Variants in NEB observed in about 807,000 individuals in gnomAD.
The protein encoded by NEB is nebulin.
A neutral mutation model predicts 952.2 loss-of-function variants in NEB; 512 were observed. That is an observed-to-expected ratio of 0.54 (90% CI 0.50 to 0.58). The LOEUF (loss-of-function observed/expected upper bound fraction) is 0.58, where lower values mean the gene tolerates loss of function less well. Ranked by LOEUF, NEB falls within the 20% of genes least tolerant of loss-of-function variation. The probability of loss-of-function intolerance (pLI) is 0.00; values close to 1 mark genes in which losing one functional copy is unlikely to be tolerated. For missense variants in NEB, 8,428 were observed against 9,231.1 expected (o/e 0.91, Z 3.56); for synonymous variants, 2,900 against 3,149.8 (o/e 0.92, Z 2.66).
chr2:151,505,668 A>T, intron 164 of NEB, 98 bp from the exon 165 acceptor site: 1 of 996,250 alleles, frequency 1.0e-6, no homozygotes, highest in Non-Finnish European at 1.6e-6. Flanking sequence ...AAATTAAAAA[A>T]ATTAACAGTG....
intron 51 of NEB, among the ~76,000 whole-genome samples, chr2:151,654,505 C>A (rs1247061674): frequency 1.3e-5 from 2 of 152,114 alleles, no homozygotes; most frequent in African/African-American, 4.8e-5. Flanking sequence ...GTGATAAAAG[C>A]AATAAATGAT....
intron 4 of NEB, among the ~76,000 whole-genome samples, 168 bp from the exon 5 acceptor site, chr2:151,728,074 C>T (rs1578049507): frequency 6.6e-6 from 1 of 152,146 alleles, no homozygotes; most frequent in African/African-American, 2.4e-5. Context: ...CGTATGAAGG[C>T]ACATTATGTA....
At chr2:151,696,996 A>T (rs1356144620) in intron 16 of NEB, among the ~76,000 whole-genome samples, 152 bp downstream of exon 16, 1 of 152,234 alleles carries the variant, frequency 6.6e-6, no homozygotes, top group Non-Finnish European at 1.5e-5. Context: ...GATGTCAACA[A>T]GGGAAAATAG....
At chr2:151,679,682 A>AAAT in intron 32 of NEB, 39 bp downstream of exon 32, 1 of 458,238 alleles carries the variant, frequency 2.2e-6, no homozygotes, top group Non-Finnish European at 4.3e-6. Context: ...ACCCACCCAC[A>AAAT]TTTTCTAGTT....
intron 13 of NEB, among the ~76,000 whole-genome samples, chr2:151,701,376 T>A (rs964084468): frequency 4.0e-5 from 6 of 151,868 alleles, no homozygotes; most frequent in African/African-American, 1.4e-4. Context: ...GATGCTGGCC[T>A]CATAAAATGA....
At position 151,696,858 on chromosome 2, in the gene NEB, A is replaced by AT. The variant is rs1255808607; in HGVS notation, c.1471-124dup. On this transcript the variant is annotated intron_variant, in intron 16 of 181. Coordinates refer to ENST00000397345, the MANE Select transcript of NEB (RefSeq NM_001164508.2). ...ATGAAACTTGTAGTTAATAAAATAT[A>AT]TTTTTTTCTAACTAGACTGTAGTTT... The AT allele has an allele frequency of 1.3e-5, 9 of 708,982 alleles. No individual in the cohort carries two copies. The Admixed American group carries it at 2.0e-4, about 16-fold the overall frequency. 43.9% of individuals were successfully genotyped at this position (708,982 alleles called of 1,614,324 possible). A position where few individuals can be genotyped will look rare whatever the true frequency, so the allele number is the denominator to read the frequency against.
At chr2:151,635,552 C>T (rs2098742050) in intron 64 of NEB, among the ~76,000 whole-genome samples, 1 of 151,722 alleles carries the variant, frequency 6.6e-6, no homozygotes, top group Admixed American at 6.6e-5. Flanking sequence ...ACTAAAAATA[C>T]AAAAAATTAT....
chr2:151,657,452 C>T (rs542029783), intron 48 of NEB, among the ~76,000 whole-genome samples: 5 of 152,162 alleles, frequency 3.3e-5, no homozygotes, highest in South Asian at 2.1e-4. Flanking sequence ...TGCCGGCCAG[C>T]GCAGGGAAAG....
chr2:151,615,251 A>C (rs944690360), intron 76 of NEB, among the ~76,000 whole-genome samples: 1 of 152,232 alleles, frequency 6.6e-6, no homozygotes, highest in Non-Finnish European at 1.5e-5. Flanking sequence ...TAAACTTCTA[A>C]ATTGATTGAG....
At chr2:151,661,513 C>T (rs1346692724) in intron 46 of NEB, among the ~76,000 whole-genome samples, 2 of 152,202 alleles carry the variant, frequency 1.3e-5, no homozygotes, top group African/African-American at 4.8e-5. Context: ...ACCAGTGCTG[C>T]TGCAGTTATT....
At position 151,526,011 on chromosome 2, in the gene NEB, G is replaced by C. The variant is rs200304547; in HGVS notation, c.22108C>G (p.Pro7370Ala). 1.1e-4 allele frequency: 174 copies of C among 1,614,000 alleles called. No individual in the cohort carries two copies. The highest frequency in any genetic ancestry group is 4.9e-4 in the Middle Eastern group (3 of 6,062). The stretch of plus-strand genomic sequence containing the variant: ...ACGTGAACAGTGTCCCGGGTCTCTG[G>C]TAGTGTTGTGTATGAGCCCTGTGCC... ...HLAQGSYTTL[P>A]ETRDTVHVKE... Residue 7370 changes from proline (P) to alanine (A), a missense_variant, in exon 150 of 182, where the codon CCA becomes GCA. Physicochemically the swap from Pro to Ala is conservative, Grantham distance 27. Coordinates refer to ENST00000397345, the MANE Select transcript of NEB (RefSeq NM_001164508.2).
intron 160 of NEB, among the ~76,000 whole-genome samples, chr2:151,513,344 T>G (rs2075814624): frequency 6.6e-6 from 1 of 152,204 alleles, no homozygotes; most frequent in African/African-American, 2.4e-5. Context: ...ATTCCTCAGT[T>G]TCTGCCCTTT....
Position 151,627,573 on chromosome 2 carries a change from C to T in NEB, c.10093G>A (p.Asp3365Asn), listed in dbSNP as rs1181779285. The T allele has an allele frequency of 2.4e-5, 38 of 1,613,890 alleles. No individual in the cohort carries two copies. Among genetic ancestry groups the T allele is most frequent in the Non-Finnish European group, 2.7e-5 (32 of 1,179,894 alleles). The change falls in exon 69 of 182, where the codon GAC becomes AAC. Residue 3365 changes from aspartate to asparagine, a missense_variant. Transcript: ENST00000397345. ...NYLHEWTCLP[D>N]QNDVIHARQA... ...CGAGCATGGATGACATCATTCTGGT[C>T]GGGCAGGCACGTCCACTCGTGCAGG...
intron 72 of NEB, among the ~76,000 whole-genome samples, chr2:151,620,343 G>A (rs866815835): frequency 6.1e-5 from 3 of 48,896 alleles, no homozygotes; most frequent in South Asian, 5.6e-4. Flanking sequence ...ATATGTATGT[G>A]TGTGTATATA....
At chr2:151,607,404 A>G in intron 83 of NEB, 100 bp downstream of exon 83, 1 of 626,104 alleles carries the variant, frequency 1.6e-6, no homozygotes, top group African/African-American at 1.6e-5. Flanking sequence ...ACCAAAAGCC[A>G]CAAACATTGC....
At chr2:151,521,858 G>T (rs940650792) in intron 153 of NEB, among the ~76,000 whole-genome samples, 1 of 152,112 alleles carries the variant, frequency 6.6e-6, no homozygotes, top group Non-Finnish European at 1.5e-5. Flanking sequence ...AGCACTTTTG[G>T]CCTTCCTTTT....
intron 3 of NEB, among the ~76,000 whole-genome samples, chr2:151,731,182 T>A (rs2099807056): frequency 6.6e-6 from 1 of 152,190 alleles, no homozygotes; most frequent in African/African-American, 2.4e-5. Flanking sequence ...CAATTTTACC[T>A]TTGCTGGGCT....
rs777632746 is a variant in NEB, at chr2:151,639,924, T to C, written c.8822A>G (p.Lys2941Arg). ...CAGAGAGTCAGTCACACTGGTAAATTTGAATCTGTCTGGAGGCTGGCGATA... is the reference window on the plus strand; with the variant it reads ...CAGAGAGTCAGTCACACTGGTAAATCTGAATCTGTCTGGAGGCTGGCGATA... ...KIYRQPPDRF[K>R]FTSVTDSLEQ... The change falls in exon 62 of 182, where the codon AAA (lysine) becomes AGA (arginine). Residue 2941 changes from lysine (K) to arginine (R), a missense_variant. Coordinates refer to ENST00000397345, the MANE Select transcript of NEB (RefSeq NM_001164508.2). 3 of 1,613,856 alleles carry C rather than the reference T, an allele frequency of 1.9e-6. No homozygotes were observed. Among genetic ancestry groups the C allele is most frequent in the African/African-American group, 1.3e-5 (1 of 74,916 alleles).
At chr2:151,727,325 A>G (rs1321866498) in intron 5 of NEB, among the ~76,000 whole-genome samples, 4 of 152,202 alleles carry the variant, frequency 2.6e-5, no homozygotes, top group Admixed American at 6.5e-5. Flanking sequence ...CTAAGAAGCT[A>G]TTCTGCTGAC....
Sources: gnomAD v4.1 joint callset for allele counts (sites outside exome capture counted in the v4.1 genomes callset) on GRCh38, gnomAD v4.1.1 for gene constraint, MANE v1.5 for transcripts, NCBI Gene and HGNC (gene_info 2026-07-23, HGNC 2026-07-21) for gene names.